DIXDC1: variants seen among roughly 807,000 people sequenced by gnomAD.
DIXDC1 encodes the protein dixin.
A neutral mutation model predicts 103.1 loss-of-function variants in DIXDC1; 64 were observed. The observed-to-expected ratio is 0.62, with a 90% CI of 0.51 to 0.76. DIXDC1 has a LOEUF of 0.76. Ranked by LOEUF, DIXDC1 falls within the 30% of genes least tolerant of loss-of-function variation. The pLI is 0.00. For missense variants in DIXDC1, 759 were observed against 834.2 expected, an observed-to-expected ratio of 0.91 and a Z score of 1.11; for synonymous variants, 266 against 298.5, an observed-to-expected ratio of 0.89 and a Z score of 1.12.
Position 111,974,029 on chromosome 11 carries a change from T to C in DIXDC1, c.323T>C (p.Val108Ala), listed in dbSNP as rs1555172331. 2 of 1,613,880 alleles carry C rather than the reference T, an allele frequency of 1.2e-6. No individual in the cohort carries two copies. Among genetic ancestry groups the C allele is most frequent in the South Asian group, 2.2e-5 (2 of 91,070 alleles). Residue 108 changes from valine (V) to alanine (A), a missense_variant, in exon 4 of 20, where the codon GTG becomes GCG. This residue lies in a region of DIXDC1 where 657 missense variants were observed against 727.5 expected (regional missense o/e 0.90). Coordinates refer to ENST00000440460, the MANE Select transcript of DIXDC1 (RefSeq NM_001037954.4). ...RMHQTSAKDI[V>A]DGNLKSIMRL... ...GGTCCGTTTTATCCTTCAGATATTG[T>C]GGATGGAAACCTGAAGTCTATCATG...
At chr11:111,985,405 C>A in intron 8 of DIXDC1, 84 bp downstream of exon 8, 1 of 1,067,428 alleles carries the variant, frequency 9.4e-7, no homozygotes, top group Non-Finnish European at 1.4e-6. Flanking sequence ...TTCATGCCTT[C>A]TTGAAATGCT....
chr11:111,992,851 A>G, intron 11 of DIXDC1, 100 bp from the exon 12 acceptor site: 1 of 1,193,824 alleles, frequency 8.4e-7, no homozygotes, highest in South Asian at 1.4e-5. Context: ...TCTGTGCTGC[A>G]TACTGTAACT....
chr11:111,951,511 CA>C (rs1198481465), intron 1 of DIXDC1, among the ~76,000 whole-genome samples: 7 of 150,498 alleles, frequency 4.7e-5, no homozygotes, highest in East Asian at 2.0e-4. Flanking sequence ...AGAGATGGTG[CA>C]AAAAAAAACT....
At position 111,949,791 on chromosome 11, in the gene DIXDC1, C is replaced by T. The variant is rs587685977; in HGVS notation, c.60+12232C>T. The stretch of plus-strand genomic sequence containing the variant: ...CTTCTGACCCTTCCTCCTTCCATCA[C>T]CTCTGCCCTTGTCCTCTCTGCAATT... On this transcript the variant is annotated intron_variant, in intron 1 of 19. Coordinates refer to ENST00000440460, the MANE Select transcript of DIXDC1 (RefSeq NM_001037954.4). Among the ~76,000 whole-genome samples, 140 of 152,352 alleles carry T rather than the reference C, an allele frequency of 9.2e-4. 2 individuals are homozygous for T. The highest frequency in any genetic ancestry group is 1.7e-3 in the South Asian group (8 of 4,830).
intron 17 of DIXDC1, among the ~76,000 whole-genome samples, chr11:112,012,806 A>G (rs587658834): frequency 1.3e-5 from 2 of 152,210 alleles, no homozygotes; most frequent in South Asian, 4.1e-4. Context: ...TTTTTACTTG[A>G]AAAGTCTATG....
chr11:111,993,654 G>A lies in DIXDC1; in HGVS notation c.1366-15G>A, dbSNP rs781963919. ...CCCAAAGAAATCATTTTCTGATTTAGTGTCTATTTTGCAGGTGGATCTAGA... is the reference window on the plus strand; with the variant it reads ...CCCAAAGAAATCATTTTCTGATTTAATGTCTATTTTGCAGGTGGATCTAGA... On this transcript the variant is annotated splice_polypyrimidine_tract_variant and intron_variant, in intron 13 of 19. Coordinates refer to ENST00000440460, the MANE Select transcript of DIXDC1 (RefSeq NM_001037954.4). 9 of 1,613,900 alleles carry A rather than the reference G, an allele frequency of 5.6e-6. No individual in the cohort carries two copies. In the East Asian group the frequency reaches 1.1e-4, roughly 20 times the overall value.
rs368990570 is a variant in DIXDC1 at position 111,995,523 on chromosome 11, C to A, written c.1648C>A (p.Arg550Ser). The part of the protein sequence containing the change: ...LEQGISSLME[R>S]LHVMETQKKQ... ...GCAGGGCATTTCTAGCCTCATGGAG[C>A]GCCTGCATGTTATGGAGACGCAGAA... Residue 550 changes from arginine (R) to serine (S), a missense_variant, in exon 16 of 20, where the codon CGC becomes AGC. This residue lies in a region of DIXDC1 where 657 missense variants were observed against 727.5 expected (regional missense o/e 0.90). Coordinates refer to ENST00000440460, the MANE Select transcript of DIXDC1 (RefSeq NM_001037954.4). 6.2e-7 allele frequency: 1 copy of A among 1,613,832 alleles called. No homozygotes were observed. Among genetic ancestry groups the A allele is most frequent in the Non-Finnish European group, 8.5e-7 (1 of 1,179,906 alleles).
At chr11:111,952,532 C>A (rs1966840728) in intron 1 of DIXDC1, among the ~76,000 whole-genome samples, 1 of 151,928 alleles carries the variant, frequency 6.6e-6, no homozygotes, top group African/African-American at 2.4e-5. Flanking sequence ...ACAAAAAAAT[C>A]CAAAAATTGG....
chr11:111,992,289 A>T, intron 10 of DIXDC1, 126 bp from the exon 11 acceptor site: 1 of 813,710 alleles, frequency 1.2e-6, no homozygotes, highest in Non-Finnish European at 1.9e-6. Context: ...AAGACCCTTT[A>T]CCCCATTTGT....
chr11:111,954,922 C>T (rs1280946148), intron 1 of DIXDC1, among the ~76,000 whole-genome samples: 2 of 151,948 alleles, frequency 1.3e-5, no homozygotes, highest in African/African-American at 4.8e-5. Flanking sequence ...ACACACAACA[C>T]ACCCCCATAT....
chr11:111,980,237 G>A (rs587715020), intron 5 of DIXDC1, among the ~76,000 whole-genome samples: 15 of 152,216 alleles, frequency 9.9e-5, no homozygotes, highest in African/African-American at 3.6e-4. Flanking sequence ...TCTCCTTTGT[G>A]ATCAGCTCAG....
intron 1 of DIXDC1, among the ~76,000 whole-genome samples, chr11:111,944,176 G>A (rs1966517450): frequency 6.6e-6 from 1 of 152,194 alleles, no homozygotes; most frequent in Admixed American, 6.5e-5. Context: ...GGGTCTCAGA[G>A]TTCTAAACAG....
chr11:111,982,457 G>A lies in DIXDC1; in HGVS notation c.888G>A (p.Glu296=). The A allele has an allele frequency of 6.2e-7, 1 of 1,613,434 alleles. No individual in the cohort carries two copies. Residue 296 remains glutamate, a synonymous_variant, in exon 7 of 20, where the codon GAG becomes GAA. Coordinates refer to ENST00000440460, the MANE Select transcript of DIXDC1 (RefSeq NM_001037954.4). The part of the protein sequence containing the change: ...EQQEYLEKEM[E]EAKKMISGLQ... ...AAGAATATTTAGAAAAAGAAATGGA[G>A]GAAGCAAAGAAAATGATATCAGGAC...
At chr11:111,988,266 G>C (rs1373265922) in intron 9 of DIXDC1, among the ~76,000 whole-genome samples, 1 of 152,148 alleles carries the variant, frequency 6.6e-6, no homozygotes, top group African/African-American at 2.4e-5. Flanking sequence ...CCAAAGTGCT[G>C]GGATTATAGG....
Position 111,968,669 on chromosome 11 carries a change from A to C in DIXDC1, c.316+31A>C, listed in dbSNP as rs374584338. ...TGCCTCATCACATCCTTGGTGCATGAGTATACTTTAACCAGTGAGTGCTAG... is the reference window on the plus strand; with the variant it reads ...TGCCTCATCACATCCTTGGTGCATGCGTATACTTTAACCAGTGAGTGCTAG... On this transcript the variant is annotated intron_variant, in intron 3 of 19. Transcript: ENST00000440460. The C allele has an allele frequency of 1.5e-4, 240 of 1,594,616 alleles. 2 individuals carry two copies. In the African/African-American group the frequency reaches 2.7e-3, roughly 18 times the overall value.
At chr11:112,010,912 A>G (rs1487423242) in intron 17 of DIXDC1, among the ~76,000 whole-genome samples, 3 of 152,222 alleles carry the variant, frequency 2.0e-5, no homozygotes, top group Non-Finnish European at 4.4e-5. Context: ...CATGACTAAA[A>G]CACCAAAAGC....
At chr11:111,933,139 T>G (rs1418852039), upstream of DIXDC1, among the ~76,000 whole-genome samples, 3 of 152,226 alleles carry the variant, frequency 2.0e-5, no homozygotes, top group Non-Finnish European at 4.4e-5. Context: ...TCTTTTGGTT[T>G]TTTTTTGAGA....
chr11:111,993,267 G>T (rs1555174764), intron 12 of DIXDC1, among the ~76,000 whole-genome samples: 1 of 152,076 alleles, frequency 6.6e-6, no homozygotes. Context: ...TAGTATGAAT[G>T]GCTCATAGTG....
rs587660079 is a variant in DIXDC1, at chr11:111,995,699, T to C, written c.1689+135T>C. 24 of 1,164,816 alleles carry C rather than the reference T, an allele frequency of 2.1e-5. No individual in the cohort carries two copies. The South Asian group carries it at 3.9e-4, about 19-fold the overall frequency. 72.2% of individuals were successfully genotyped at this position (1,164,816 alleles called of 1,614,324 possible). A position where few individuals can be genotyped will look rare whatever the true frequency, so the allele number is the denominator to read the frequency against. ...GGTTAGAGTTGTTTTTCTCTATTGT[T>C]TTTTCTCTCAGTGGAACTGACTATT... On this transcript the variant is annotated intron_variant, in intron 16 of 19. Coordinates refer to ENST00000440460, the MANE Select transcript of DIXDC1 (RefSeq NM_001037954.4).
Sources: allele counts gnomAD v4.1 joint callset (sites outside exome capture counted in the v4.1 genomes callset), GRCh38; gene constraint gnomAD v4.1.1; regional missense constraint gnomAD v4.1.1; transcripts MANE v1.5; gene names NCBI Gene and HGNC (gene_info 2026-07-23, HGNC 2026-07-21).